The following SHROOM3 variants were observed in gnomAD, a reference collection of about 807,000 sequenced individuals.
The protein encoded by SHROOM3 is protein Shroom3.
SHROOM3 carries 47 observed loss-of-function variants against 138.6 expected under a neutral mutation model. The ratio of observed to expected loss-of-function variants is 0.34; its 90% CI spans 0.27 to 0.43. SHROOM3 has a LOEUF of 0.43. Ranked by LOEUF, SHROOM3 falls within the 20% of genes least tolerant of loss-of-function variation. SHROOM3 has a pLI of 1.00. For missense variants in SHROOM3, 2,491 were observed against 2,596.5 expected (o/e 0.96, Z 0.88); for synonymous variants, 1,062 against 1,063.3 (o/e 1.00, Z 0.02).
intron 2 of SHROOM3, among the ~76,000 whole-genome samples, chr4:76,622,951 GT>G (rs1735041481): frequency 6.6e-6 from 1 of 152,126 alleles, no homozygotes; most frequent in African/African-American, 2.4e-5. Flanking sequence ...AGTTATCTGG[GT>G]TCCTGAGTGT....
At chr4:76,510,426 CT>C (rs1235129424) in intron 1 of SHROOM3, among the ~76,000 whole-genome samples, 1 of 152,176 alleles carries the variant, frequency 6.6e-6, no homozygotes, top group Non-Finnish European at 1.5e-5. Context: ...AGCTGAATGA[CT>C]TTGGGCAAGT....
At chr4:76,707,490 G>A (rs371141329) in intron 2 of SHROOM3, among the ~76,000 whole-genome samples, 5 of 152,208 alleles carry the variant, frequency 3.3e-5, no homozygotes, top group East Asian at 1.9e-4. Context: ...TGCCTGAGTC[G>A]TGTATAACCA....
chr4:76,510,610 C>G (rs978995787), intron 1 of SHROOM3, among the ~76,000 whole-genome samples: 1 of 152,204 alleles, frequency 6.6e-6, no homozygotes, highest in African/African-American at 2.4e-5. Context: ...GTCACCTGGC[C>G]TTGTCATATA....
At chr4:76,507,412 A>G (rs1444787953) in intron 1 of SHROOM3, among the ~76,000 whole-genome samples, 1 of 152,118 alleles carries the variant, frequency 6.6e-6, no homozygotes, top group Non-Finnish European at 1.5e-5. Context: ...ACTTGTTATT[A>G]TGTCTTTTTG....
intron 2 of SHROOM3, among the ~76,000 whole-genome samples, chr4:76,707,014 G>A (rs750254664): frequency 1.3e-5 from 2 of 152,230 alleles, no homozygotes; most frequent in African/African-American, 2.4e-5. Context: ...TAGGCCTGGA[G>A]AGTGTATAGT....
intron 9 of SHROOM3, among the ~76,000 whole-genome samples, chr4:76,766,003 C>T (rs1277974660): frequency 6.6e-6 from 1 of 152,206 alleles, no homozygotes; most frequent in East Asian, 1.9e-4. Context: ...ATTTGAGCCT[C>T]ATAGTATTCT....
At chr4:76,656,637 T>C (rs1327905547) in intron 2 of SHROOM3, among the ~76,000 whole-genome samples, 1 of 152,228 alleles carries the variant, frequency 6.6e-6, no homozygotes, top group Non-Finnish European at 1.5e-5. Context: ...TTGCATTTAT[T>C]GTAGTATCTC....
At chr4:76,603,299 T>C (rs555882152) in intron 2 of SHROOM3, among the ~76,000 whole-genome samples, 3 of 152,216 alleles carry the variant, frequency 2.0e-5, no homozygotes, top group African/African-American at 7.2e-5. Flanking sequence ...GCACCTGTAG[T>C]CCCAGCTACT....
intron 2 of SHROOM3, among the ~76,000 whole-genome samples, chr4:76,588,257 A>G (rs564359321): frequency 8.3e-4 from 127 of 152,364 alleles, no homozygotes; most frequent in African/African-American, 3.0e-3. Flanking sequence ...ATTAATAACT[A>G]TGATAAATAG....
chr4:76,692,162 C>T (rs765433821), intron 2 of SHROOM3, among the ~76,000 whole-genome samples: 15 of 152,222 alleles, frequency 9.9e-5, no homozygotes, highest in Non-Finnish European at 2.1e-4. Context: ...GGTGGCTGGG[C>T]AGTCTTCACC....
At chr4:76,748,507 TG>T (rs1721516165) in intron 5 of SHROOM3, among the ~76,000 whole-genome samples, 1 of 152,108 alleles carries the variant, frequency 6.6e-6, no homozygotes, top group Non-Finnish European at 1.5e-5. Context: ...CACATGTGAG[TG>T]AACTTTTTCC....
chr4:76,661,269 C>T (rs1736178469), intron 2 of SHROOM3, among the ~76,000 whole-genome samples: 1 of 151,130 alleles, frequency 6.6e-6, no homozygotes, highest in Non-Finnish European at 1.5e-5. Context: ...CTCGCTCTGT[C>T]GCCCAGGCTG....
At chr4:76,483,482 G>A (rs77514763) in intron 1 of SHROOM3, among the ~76,000 whole-genome samples, 95,560 of 152,028 alleles carry the variant, frequency 0.63, 30,176 homozygotes, top group Admixed American at 0.69. Context: ...GTGATCATTA[G>A]AAAGGCAGGA....
At chr4:76,717,814 T>C (rs1720419518) in intron 3 of SHROOM3, among the ~76,000 whole-genome samples, 1 of 152,264 alleles carries the variant, frequency 6.6e-6, no homozygotes, top group South Asian at 2.1e-4. Context: ...TTTGAGATTA[T>C]AGTCATATAT....
At chr4:76,631,813 T>C (rs1577934435) in intron 2 of SHROOM3, among the ~76,000 whole-genome samples, 1 of 152,112 alleles carries the variant, frequency 6.6e-6, no homozygotes, top group South Asian at 2.1e-4. Flanking sequence ...TTTGAGGAAA[T>C]AGAGTCAATG....
chr4:76,617,497 G>A (rs1288490095), intron 2 of SHROOM3, among the ~76,000 whole-genome samples: 1 of 152,148 alleles, frequency 6.6e-6, no homozygotes, highest in Non-Finnish European at 1.5e-5. Context: ...TGAGACTGAT[G>A]ATACATTAAT....
chr4:76,462,545 G>A (rs1023699661), intron 1 of SHROOM3, among the ~76,000 whole-genome samples: 6 of 152,102 alleles, frequency 3.9e-5, no homozygotes, highest in African/African-American at 1.4e-4. Context: ...CCCAATATTG[G>A]GGGAGGGACT....
At chr4:76,720,165 T>G (rs1018938122) in intron 3 of SHROOM3, among the ~76,000 whole-genome samples, 2 of 141,476 alleles carry the variant, frequency 1.4e-5, no homozygotes, top group East Asian at 2.1e-4. Flanking sequence ...TTTTTTTTTT[T>G]TTTTTTTTTT....
rs76977836 is a variant in SHROOM3 at position 76,579,504 on chromosome 4, A to G, written c.323+23741A>G. On this transcript the variant is annotated intron_variant, in intron 2 of 10. Transcript: ENST00000296043. ...TAAACAAACAAACAAACAAACTTAC[A>G]CAAGTACTTGGTCTACAGATGTTTG... Among the ~76,000 whole-genome samples the G allele has an allele frequency of 0.013, 1,953 of 152,284 alleles. 160 individuals carry two copies. The East Asian group carries it at 0.23, about 18-fold the overall frequency.
Sources: gnomAD v4.1 joint callset for allele counts (sites outside exome capture counted in the v4.1 genomes callset) on GRCh38, gnomAD v4.1.1 for gene constraint, MANE v1.5 for transcripts, NCBI Gene and HGNC (gene_info 2026-07-23, HGNC 2026-07-21) for gene names.